Variants in RHPN2 observed in about 807,000 individuals in gnomAD.
RHPN2 encodes rhophilin-2.
In RHPN2, 40 loss-of-function variants were observed where a neutral mutation model predicts 79.0. The observed-to-expected ratio is 0.51, with a 90% CI of 0.39 to 0.66. RHPN2 has a LOEUF of 0.66. RHPN2 is among the 30% of genes least tolerant of loss of function. The probability of loss-of-function intolerance (pLI) is 0.00; values close to 1 mark genes in which losing one functional copy is unlikely to be tolerated. For missense variants in RHPN2, 686 were observed against 883.5 expected, an observed-to-expected ratio of 0.78 and a Z score of 2.83; for synonymous variants, 285 against 363.5, an observed-to-expected ratio of 0.78 and a Z score of 2.46.
At chr19:33,034,615 AAAAAAAAAT>A (rs1217316376) in intron 2 of RHPN2, among the ~76,000 whole-genome samples, 2 of 149,872 alleles carry the variant, frequency 1.3e-5, no homozygotes, top group East Asian at 4.0e-4. Flanking sequence ...CAAAAAAAAA[AAAAAAAAAT>A]ACAAAAGTTA....
At chr19:33,059,200 A>AC (rs951223137) in intron 1 of RHPN2, among the ~76,000 whole-genome samples, 79 of 143,248 alleles carry the variant, frequency 5.5e-4, no homozygotes, top group Non-Finnish European at 9.2e-4. Flanking sequence ...GGCAATCTTC[A>AC]CCCCCCGCCT....
chr19:32,980,939 G>A (rs906744231), intron 14 of RHPN2, among the ~76,000 whole-genome samples: 1 of 152,104 alleles, frequency 6.6e-6, no homozygotes. Flanking sequence ...CCGGGTTCAC[G>A]CCATTCTCCT....
At chr19:33,052,851 G>T (rs1045815202) in intron 1 of RHPN2, among the ~76,000 whole-genome samples, 1 of 152,182 alleles carries the variant, frequency 6.6e-6, no homozygotes, top group Non-Finnish European at 1.5e-5. Context: ...AGGGGTGGAG[G>T]GGGGCTCGAT....
At chr19:32,994,391 G>GA (rs1305711341) in intron 11 of RHPN2, among the ~76,000 whole-genome samples, 1 of 89,250 alleles carries the variant, frequency 1.1e-5, no homozygotes, top group Admixed American at 1.0e-4. Flanking sequence ...GTCAGACTCC[G>GA]GGGGGAAAAA....
intron 2 of RHPN2, among the ~76,000 whole-genome samples, chr19:33,028,650 T>C (rs1471745717): frequency 6.6e-6 from 1 of 152,052 alleles, no homozygotes; most frequent in African/African-American, 2.4e-5. Flanking sequence ...GGAAGGCTCA[T>C]TATTGTCAAG....
chr19:33,021,524 T>C (rs1447162392), intron 4 of RHPN2, 47 bp downstream of exon 4: 5 of 1,494,502 alleles, frequency 3.3e-6, no homozygotes, highest in Non-Finnish European at 4.7e-6. Context: ...AAATGGCCTA[T>C]TTCCATTTTA....
In RHPN2 at chr19:33,026,404, C is replaced by G. The variant is rs571986358; in HGVS notation, c.314+100G>C. ...ACTTCCGAAAGTGGGGGCTGCCACA[C>G]CCCAGTCTAGAACGCTATCTGACCT... On this transcript the variant is annotated intron_variant, in intron 3 of 14. Coordinates refer to ENST00000254260, the MANE Select transcript of RHPN2 (RefSeq NM_033103.5). The G allele has an allele frequency of 1.4e-5, 21 of 1,496,834 alleles. No individual in the cohort carries two copies. The East Asian group carries it at 4.5e-4, about 32-fold the overall frequency. The allele number at this position is 1,496,834 out of a possible 1,614,324, so 92.7% of individuals were successfully genotyped here. A position where few individuals can be genotyped will look rare whatever the true frequency, so the allele number is the denominator to read the frequency against.
At chr19:33,005,180 G>A (rs549880320) in intron 7 of RHPN2, among the ~76,000 whole-genome samples, 2 of 151,686 alleles carry the variant, frequency 1.3e-5, no homozygotes, top group African/African-American at 2.4e-5. Context: ...TTGGGAGGCC[G>A]AGGTGGGCGG....
chr19:33,048,725 C>CAAAAAAAAAAAAA lies in RHPN2; in HGVS notation c.70-4374_70-4362dup, dbSNP rs58396784. ...TGGGTGACACAGCGAGACTCAGTCT[C>CAAAAAAAAAAAAA]AAAAAAAAAAAAAAAAAAAACTTTA... is the stretch of plus-strand genomic sequence containing the variant. On this transcript the variant is annotated intron_variant, in intron 1 of 14. Coordinates refer to ENST00000254260, the MANE Select transcript of RHPN2 (RefSeq NM_033103.5). 2.0e-3 allele frequency among the ~76,000 whole-genome samples: 124 copies of CAAAAAAAAAAAAA among 62,648 alleles called. 8 individuals are homozygous for CAAAAAAAAAAAAA. The highest frequency in any genetic ancestry group is 0.012 in the Middle Eastern group (1 of 84). 41.1% of individuals were successfully genotyped at this position (62,648 alleles called of 152,430 possible).
chr19:33,044,328 A>G lies in RHPN2; in HGVS notation c.106T>C (p.Leu36=), dbSNP rs1972124845. Residue 36 remains leucine, a synonymous_variant, in exon 2 of 15, where the codon TTG becomes CTG. Transcript: ENST00000254260. The stretch of plus-strand genomic sequence containing the variant: ...TTCAAAGCAGCTCTTTGATTCTGCA[A>G]TTTACTCCGGCCGGTTTGTGCAAGG... ...NPLAQTGRSK[L]QNQRAALNQQ... The G allele has an allele frequency of 4.3e-6, 7 of 1,614,058 alleles. No individual in the cohort carries two copies. The highest frequency in any genetic ancestry group is 8.5e-7 in the Non-Finnish European group (1 of 1,180,008).
At chr19:33,021,853 T>C (rs1971926860) in intron 3 of RHPN2, among the ~76,000 whole-genome samples, 1 of 152,164 alleles carries the variant, frequency 6.6e-6, no homozygotes, top group South Asian at 2.1e-4. Context: ...TCCCTAAGAC[T>C]GCTGGACCAC....
intron 13 of RHPN2, chr19:32,990,911 C>G (rs543962393): frequency 5.0e-5 from 24 of 478,794 alleles, no homozygotes; most frequent in African/African-American, 4.5e-4. Context: ...CACCTGTAGT[C>G]CTAGCTACTT....
chr19:33,014,915 A>ACCCC (rs1971865737), intron 4 of RHPN2, among the ~76,000 whole-genome samples: 1 of 151,880 alleles, frequency 6.6e-6, no homozygotes, highest in Admixed American at 6.6e-5. Context: ...ACACAGTGAA[A>ACCCC]CCCCATCTCT....
At chr19:33,003,892 T>G (rs753599822) in intron 7 of RHPN2, among the ~76,000 whole-genome samples, 5 of 152,094 alleles carry the variant, frequency 3.3e-5, no homozygotes, top group African/African-American at 4.8e-5. Context: ...GTTCCGGAGA[T>G]AGCTGGGCAC....
intron 1 of RHPN2, among the ~76,000 whole-genome samples, chr19:33,063,564 T>C (rs1331160128): frequency 6.6e-6 from 1 of 152,236 alleles, no homozygotes; most frequent in African/African-American, 2.4e-5. Flanking sequence ...CAGTGATCCC[T>C]GGCCAAGGGC....
At chr19:32,981,646 TA>T (rs1333304422) in intron 14 of RHPN2, among the ~76,000 whole-genome samples, 16 of 151,998 alleles carry the variant, frequency 1.1e-4, no homozygotes, top group African/African-American at 3.6e-4. Flanking sequence ...TTCATTTTCT[TA>T]AAAGGAATAT....
intron 8 of RHPN2, 25 bp from the exon 9 acceptor site, chr19:33,002,428 G>A (rs12610963): frequency 0.24 from 388,929 of 1,613,016 alleles, 48,026 homozygotes; most frequent in East Asian, 0.4. Context: ...ACACTGGGAA[G>A]GGGCAGCCCG....
intron 2 of RHPN2, among the ~76,000 whole-genome samples, chr19:33,040,139 G>A (rs1358087698): frequency 6.6e-6 from 1 of 151,728 alleles, no homozygotes; most frequent in Non-Finnish European, 1.5e-5. Context: ...CACAACAGGG[G>A]AACCTGAAGC....
chr19:33,034,618 A>AAAAAC (rs1972041036), intron 2 of RHPN2, among the ~76,000 whole-genome samples: 1 of 149,908 alleles, frequency 6.7e-6, no homozygotes, highest in Non-Finnish European at 1.5e-5. Flanking sequence ...AAAAAAAAAA[A>AAAAAC]AAAAATACAA....
Sources: gnomAD v4.1 joint callset for allele counts (sites outside exome capture counted in the v4.1 genomes callset) on GRCh38, gnomAD v4.1.1 for gene constraint, MANE v1.5 for transcripts, NCBI Gene and HGNC (gene_info 2026-07-23, HGNC 2026-07-21) for gene names.